Variants in GDAP1L1 observed in about 807,000 individuals in gnomAD.
GDAP1L1 encodes ganglioside-induced differentiation-associated protein 1-like 1.
GDAP1L1 carries 21 observed loss-of-function variants against 37.1 expected under a neutral mutation model. The observed-to-expected ratio is 0.57, with a 90% CI of 0.40 to 0.81. The LOEUF (loss-of-function observed/expected upper bound fraction) is 0.81. Among genes scored for constraint, GDAP1L1 ranks in the 40% least tolerant of loss-of-function variants. The pLI is 0.00. For missense variants in GDAP1L1, 362 were observed against 491.6 expected (o/e 0.74, Z 2.49); for synonymous variants, 193 against 209.1 (o/e 0.92, Z 0.67).
intron 1 of GDAP1L1, among the ~76,000 whole-genome samples, chr20:44,253,409 T>A (rs58585569): frequency 0.014 from 2,117 of 152,216 alleles, 49 homozygotes; most frequent in African/African-American, 0.049. Flanking sequence ...CTAATTTTTT[T>A]AAAAAAAGAA....
chr20:44,257,670 C>T (rs2073586725), intron 2 of GDAP1L1, among the ~76,000 whole-genome samples: 1 of 152,048 alleles, frequency 6.6e-6, no homozygotes, highest in African/African-American at 2.4e-5. Flanking sequence ...AGGCATGGCC[C>T]CTTCAGCATG....
At position 44,280,583 on chromosome 20, in the gene GDAP1L1, G is replaced by A. The variant is rs1215805694; in HGVS notation, c.*1283G>A. 1 of 152,304 alleles carries A rather than the reference G, an allele frequency of 6.6e-6. No individual in the cohort carries two copies. The highest frequency in any genetic ancestry group is 2.4e-5 in the African/African-American group (1 of 41,436). 9.4% of individuals were successfully genotyped at this position (152,304 alleles called of 1,614,324 possible). The stretch of plus-strand genomic sequence containing the variant: ...CTTAACATCAACCCAGCTCATTTAG[G>A]CTCAGCCCTTTACAGGTTACAGGGC... On this transcript the variant is annotated 3_prime_UTR_variant, in exon 6 of 6. Transcript: ENST00000342560.
intron 1 of GDAP1L1, among the ~76,000 whole-genome samples, chr20:44,251,630 CA>C (rs1182671919): frequency 6.6e-6 from 1 of 152,198 alleles, no homozygotes; most frequent in Non-Finnish European, 1.5e-5. Flanking sequence ...ATGGGGGCAG[CA>C]ACGAGATGCA....
At chr20:44,268,770 G>T (rs1379927380) in intron 5 of GDAP1L1, among the ~76,000 whole-genome samples, 1 of 152,192 alleles carries the variant, frequency 6.6e-6, no homozygotes, top group East Asian at 1.9e-4. Context: ...CTGCTGTGTG[G>T]GGAGTCCTCG....
chr20:44,278,297 T>G (rs35767731), intron 5 of GDAP1L1, among the ~76,000 whole-genome samples: 11,965 of 152,072 alleles, frequency 0.079, 964 homozygotes, highest in East Asian at 0.31. Context: ...CATTTTGAGT[T>G]TGAAATGCAG....
At chr20:44,275,986 T>C (rs946210703) in intron 5 of GDAP1L1, among the ~76,000 whole-genome samples, 1 of 152,102 alleles carries the variant, frequency 6.6e-6, no homozygotes, top group African/African-American at 2.4e-5. Context: ...TGTTAGTGCT[T>C]AACCCCTTTA....
In GDAP1L1 at chr20:44,279,522, C is replaced by CGAGAGA. The variant is rs146884120; in HGVS notation, c.*231_*236dup. On this transcript the variant is annotated 3_prime_UTR_variant, in exon 6 of 6. Transcript: ENST00000342560. ...GCTCTACTAAAAGAGAGAGAGGAAG[C>CGAGAGA]GAGAGAGAGAGAGAAAAAACAAAAA... The CGAGAGA allele has an allele frequency of 4.4e-6, 3 of 678,248 alleles. No homozygotes were observed. The highest frequency in any genetic ancestry group is 1.6e-5 in the South Asian group (1 of 64,144). The allele number at this position is 678,248 out of a possible 1,614,324, so 42.0% of individuals were successfully genotyped here.
intron 1 of GDAP1L1, among the ~76,000 whole-genome samples, chr20:44,253,761 A>C (rs910905500): frequency 1.3e-5 from 2 of 152,256 alleles, no homozygotes; most frequent in African/African-American, 4.8e-5. Flanking sequence ...ACAGGGTGAC[A>C]CATGGCTCTG....
At chr20:44,277,607 G>C (rs1281782011) in intron 5 of GDAP1L1, among the ~76,000 whole-genome samples, 1 of 152,152 alleles carries the variant, frequency 6.6e-6, no homozygotes. Context: ...TTCTGAGAAG[G>C]GAGAAGTGAC....
intron 5 of GDAP1L1, among the ~76,000 whole-genome samples, chr20:44,271,298 A>G (rs1421127176): frequency 7.2e-5 from 11 of 152,166 alleles, no homozygotes. Flanking sequence ...AGGTTCTCCC[A>G]CACTAAGCGG....
intron 1 of GDAP1L1, among the ~76,000 whole-genome samples, chr20:44,250,566 CCTGT>C (rs1338060606): frequency 6.6e-6 from 1 of 152,196 alleles, no homozygotes; most frequent in Admixed American, 6.5e-5. Context: ...GTCTTCTTTG[CCTGT>C]CTAAGTCAGC....
rs142325851 is a variant in GDAP1L1, at chr20:44,269,214, G to T, written c.760+4655G>T. Among the ~76,000 whole-genome samples, 228 of 152,186 alleles carry T rather than the reference G, an allele frequency of 1.5e-3. 1 individual carries two copies. The highest frequency in any genetic ancestry group is 4.8e-3 in the African/African-American group (201 of 41,492). On this transcript the variant is annotated intron_variant, in intron 5 of 5. Coordinates refer to ENST00000342560, the MANE Select transcript of GDAP1L1 (RefSeq NM_024034.6). ...AATATTTATTGAACATCTCCTAGAT[G>T]CTAGGTCCTAGGGATAAATTAATGA...
chr20:44,264,655 A>C (rs2073733481), intron 5 of GDAP1L1, 96 bp downstream of exon 5: 1 of 1,515,668 alleles, frequency 6.6e-7, no homozygotes, highest in Admixed American at 2.0e-5. Context: ...AAAGTCTCAG[A>C]GGACCTCCCA....
At chr20:44,251,194 T>A (rs1001100925) in intron 1 of GDAP1L1, among the ~76,000 whole-genome samples, 2 of 152,234 alleles carry the variant, frequency 1.3e-5, no homozygotes, top group African/African-American at 4.8e-5. Flanking sequence ...TAAGATCTAA[T>A]GCATGTAAAG....
In GDAP1L1 at chr20:44,257,472, A is replaced by G; in HGVS notation, c.373+127A>G. On this transcript the variant is annotated intron_variant, in intron 2 of 5. Transcript: ENST00000342560. Reference sequence around the variant, plus strand: ...TTCACTGGAGCCATGGGCAAGGCCCAGTCTCCCCAAAAAGGAGCCACAGAG... The same window carrying G: ...TTCACTGGAGCCATGGGCAAGGCCCGGTCTCCCCAAAAAGGAGCCACAGAG... The G allele has an allele frequency of 4.0e-6, 4 of 988,964 alleles. No individual in the cohort carries two copies. The South Asian group carries it at 5.1e-5, about 13-fold the overall frequency. The allele number at this position is 988,964 out of a possible 1,614,324, so 61.3% of individuals were successfully genotyped here.
At chr20:44,269,716 G>A (rs1020349930) in intron 5 of GDAP1L1, among the ~76,000 whole-genome samples, 3 of 152,196 alleles carry the variant, frequency 2.0e-5, no homozygotes, top group Non-Finnish European at 4.4e-5. Flanking sequence ...TGAATCACGA[G>A]GTCAGGAGAT....
chr20:44,263,681 T>C (rs1305825944), intron 4 of GDAP1L1, among the ~76,000 whole-genome samples: 2 of 152,034 alleles, frequency 1.3e-5, no homozygotes, highest in Admixed American at 6.6e-5. Flanking sequence ...CCATCTCTAC[T>C]AAAAATACAA....
At chr20:44,258,660 C>A in intron 3 of GDAP1L1, 53 bp downstream of exon 3, 1 of 1,357,916 alleles carries the variant, frequency 7.4e-7, no homozygotes, top group South Asian at 1.3e-5. Context: ...TTGCGCCGCT[C>A]CTTTCTTCCA....
chr20:44,249,081 G>T lies in GDAP1L1; in HGVS notation c.180+1567G>T, dbSNP rs574949404. Among the ~76,000 whole-genome samples the T allele has an allele frequency of 2.0e-5, 3 of 151,958 alleles. No individual in the cohort carries two copies. The South Asian group carries it at 6.3e-4, about 32-fold the overall frequency. ...GACAGAGTCTTGCTCTGTTGCCCAG[G>T]CTGGAGGGCAGTGGCATGATTTTGG... On this transcript the variant is annotated intron_variant, in intron 1 of 5. Transcript: ENST00000342560.
Sources: allele counts gnomAD v4.1 joint callset (sites outside exome capture counted in the v4.1 genomes callset), GRCh38; gene constraint gnomAD v4.1.1; transcripts MANE v1.5; gene names NCBI Gene and HGNC (gene_info 2026-07-23, HGNC 2026-07-21).